GLRA3: variants seen among roughly 807,000 people sequenced by gnomAD.
GLRA3 encodes glycine receptor alpha 3.
In GLRA3, 44 loss-of-function variants were observed where a neutral mutation model predicts 60.4. The observed-to-expected ratio is 0.73, with a 90% CI of 0.57 to 0.94. The LOEUF is 0.94. Ranked by LOEUF, GLRA3 falls within the 40% of genes least tolerant of loss-of-function variation. The probability of loss-of-function intolerance (pLI) is 0.00; values close to 1 mark genes in which losing one functional copy is unlikely to be tolerated. For synonymous variants in GLRA3, 223 were observed against 192.9 expected (o/e 1.16, Z -1.29); for missense variants, 508 against 564.6 (o/e 0.90, Z 1.02).
At chr4:174,794,699 TATCTC>T (rs1466382575) in intron 1 of GLRA3, among the ~76,000 whole-genome samples, 8 of 152,202 alleles carry the variant, frequency 5.3e-5, no homozygotes, top group Non-Finnish European at 1.0e-4. Context: ...TTTTAAGTCT[TATCTC>T]ATTTCTTTTG....
At chr4:174,782,260 T>C (rs902077980) in intron 2 of GLRA3, among the ~76,000 whole-genome samples, 6 of 151,168 alleles carry the variant, frequency 4.0e-5, no homozygotes, top group African/African-American at 1.2e-4. Flanking sequence ...TTTGACAAAA[T>C]TCAACAACCC....
intron 1 of GLRA3, among the ~76,000 whole-genome samples, chr4:174,826,339 T>C (rs1454502032): frequency 6.6e-6 from 1 of 152,194 alleles, no homozygotes; most frequent in Non-Finnish European, 1.5e-5. Context: ...AGAGTAATTA[T>C]ATAAAGTTCT....
chr4:174,796,423 G>A (rs1579622720), intron 1 of GLRA3, among the ~76,000 whole-genome samples: 1 of 152,030 alleles, frequency 6.6e-6, no homozygotes, highest in African/African-American at 2.4e-5. Context: ...AATTGCTTAT[G>A]GGCAATTGAT....
At chr4:174,817,958 T>C (rs1740575392) in intron 1 of GLRA3, among the ~76,000 whole-genome samples, 1 of 152,194 alleles carries the variant, frequency 6.6e-6, no homozygotes, top group Non-Finnish European at 1.5e-5. Flanking sequence ...ATGCTAAGTA[T>C]ATATTTTCTG....
At chr4:174,706,550 G>A (rs1166902752) in intron 5 of GLRA3, among the ~76,000 whole-genome samples, 1 of 152,090 alleles carries the variant, frequency 6.6e-6, no homozygotes, top group Non-Finnish European at 1.5e-5. Context: ...GATGTATTCA[G>A]GCTATACATT....
intron 4 of GLRA3, among the ~76,000 whole-genome samples, chr4:174,726,895 A>G (rs1736347870): frequency 6.6e-6 from 1 of 152,094 alleles, no homozygotes; most frequent in Admixed American, 6.6e-5. Flanking sequence ...AAAGGTGCAA[A>G]ATTATCTTGC....
At chr4:174,651,134 C>T (rs1252777379) in intron 9 of GLRA3, among the ~76,000 whole-genome samples, 1 of 152,152 alleles carries the variant, frequency 6.6e-6, no homozygotes, top group Non-Finnish European at 1.5e-5. Flanking sequence ...TTGGGCTTCT[C>T]AGATAGATCT....
chr4:174,821,688 ACATTACACAATACAAATG>A (rs1008953302), intron 1 of GLRA3, among the ~76,000 whole-genome samples: 2 of 152,198 alleles, frequency 1.3e-5, no homozygotes, highest in Non-Finnish European at 2.9e-5. Context: ...AATATACATT[ACATTACACAATACAAATG>A]CATTACACAA....
chr4:174,802,691 C>T (rs1462705041), intron 1 of GLRA3, among the ~76,000 whole-genome samples: 1 of 151,860 alleles, frequency 6.6e-6, no homozygotes, highest in Non-Finnish European at 1.5e-5. Flanking sequence ...AAACTGAACC[C>T]CTGGTGTTTG....
At chr4:174,717,462 G>T (rs1050415825) in intron 4 of GLRA3, among the ~76,000 whole-genome samples, 1 of 152,094 alleles carries the variant, frequency 6.6e-6, no homozygotes, top group African/African-American at 2.4e-5. Context: ...AACCACATTC[G>T]TCAAGCTGAC....
chr4:174,807,041 C>T (rs948980992), intron 1 of GLRA3, among the ~76,000 whole-genome samples: 1 of 151,806 alleles, frequency 6.6e-6, no homozygotes, highest in South Asian at 2.1e-4. Flanking sequence ...AAGAAAATAG[C>T]CAGTATGATG....
intron 2 of GLRA3, among the ~76,000 whole-genome samples, chr4:174,780,540 C>G (rs1279997899): frequency 7.0e-6 from 1 of 142,932 alleles, no homozygotes; most frequent in African/African-American, 2.6e-5. Context: ...AGAGTCAAGA[C>G]CCATCAGTGT....
chr4:174,766,564 G>A (rs2111236434), intron 3 of GLRA3, among the ~76,000 whole-genome samples: 1 of 152,118 alleles, frequency 6.6e-6, no homozygotes, highest in South Asian at 2.1e-4. Flanking sequence ...ATTTGAAAAA[G>A]TAATCGAATT....
chr4:174,683,001 A>G, intron 5 of GLRA3, 62 bp from the exon 6 acceptor site: 1 of 1,320,190 alleles, frequency 7.6e-7, no homozygotes, highest in Non-Finnish European at 1.1e-6. Context: ...AAAGAAATGC[A>G]AATTACTTTA....
intron 3 of GLRA3, among the ~76,000 whole-genome samples, chr4:174,751,842 G>T (rs558819097): frequency 3.3e-5 from 5 of 152,054 alleles, no homozygotes; most frequent in African/African-American, 1.2e-4. Flanking sequence ...ATAATTCAGA[G>T]ATATGTACAG....
At chr4:174,719,492 T>G (rs1329364574) in intron 4 of GLRA3, among the ~76,000 whole-genome samples, 1 of 152,124 alleles carries the variant, frequency 6.6e-6, no homozygotes, top group Non-Finnish European at 1.5e-5. Context: ...CATAAATAAT[T>G]CTTCCAAAAG....
At chr4:174,821,687 T>G (rs1740746622) in intron 1 of GLRA3, among the ~76,000 whole-genome samples, 1 of 152,266 alleles carries the variant, frequency 6.6e-6, no homozygotes, top group African/African-American at 2.4e-5. Context: ...AAATATACAT[T>G]ACATTACACA....
chr4:174,754,686 G>C (rs1223226618), intron 3 of GLRA3, among the ~76,000 whole-genome samples: 1 of 151,998 alleles, frequency 6.6e-6, no homozygotes, highest in Non-Finnish European at 1.5e-5. Flanking sequence ...ACATTTTAGG[G>C]GAAGTTTACA....
At chr4:174,688,711 T>C (rs554624284) in intron 5 of GLRA3, among the ~76,000 whole-genome samples, 47 of 151,584 alleles carry the variant, frequency 3.1e-4, no homozygotes, top group African/African-American at 9.2e-4. Flanking sequence ...ATGTTGAAGG[T>C]AGTTGAAATC....
Sources: allele counts gnomAD v4.1 joint callset (sites outside exome capture counted in the v4.1 genomes callset), GRCh38; gene constraint gnomAD v4.1.1; transcripts MANE v1.5; gene names NCBI Gene and HGNC (gene_info 2026-07-23, HGNC 2026-07-21).